The following RBFOX3 variants were observed in gnomAD, a reference collection of about 807,000 sequenced individuals.
RBFOX3 encodes the protein RNA binding fox-1 homolog 3.
A neutral mutation model predicts 48.7 loss-of-function variants in RBFOX3; 17 were observed. The observed-to-expected ratio is 0.35, with a 90% CI of 0.24 to 0.52. The LOEUF is 0.52. Among genes scored for constraint, RBFOX3 ranks in the 20% least tolerant of loss-of-function variants. The pLI is 0.94. For synonymous variants in RBFOX3, 212 were observed against 209.5 expected (o/e 1.01, Z -0.10); for missense variants, 382 against 497.5 (o/e 0.77, Z 2.21).
At chr17:79,180,810 C>T (rs1834973029) in intron 4 of RBFOX3, among the ~76,000 whole-genome samples, 1 of 151,842 alleles carries the variant, frequency 6.6e-6, no homozygotes, top group African/African-American at 2.4e-5. Context: ...GCAGAACAGC[C>T]GCGGGCGAGG....
chr17:79,101,423 C>T (rs536290756), intron 9 of RBFOX3, among the ~76,000 whole-genome samples, 161 bp downstream of exon 9: 5 of 152,172 alleles, frequency 3.3e-5, no homozygotes, highest in Admixed American at 2.0e-4. Context: ...CTGCCCCACC[C>T]GCTTCTGACC....
chr17:79,192,067 C>T (rs1055881118), intron 4 of RBFOX3, among the ~76,000 whole-genome samples: 1 of 152,096 alleles, frequency 6.6e-6, no homozygotes, highest in African/African-American at 2.4e-5. Context: ...AGGCTGCCAC[C>T]CCTGCCAACC....
At chr17:79,568,990 C>T (rs1168269031) in intron 1 of RBFOX3, among the ~76,000 whole-genome samples, 1 of 152,048 alleles carries the variant, frequency 6.6e-6, no homozygotes, top group Admixed American at 6.6e-5. Context: ...CTCCTCAACC[C>T]ACCCACCTTG....
At chr17:79,609,558 C>G (rs2093922127) in intron 1 of RBFOX3, among the ~76,000 whole-genome samples, 1 of 152,202 alleles carries the variant, frequency 6.6e-6, no homozygotes, top group Non-Finnish European at 1.5e-5. Context: ...CTCGCCAAAG[C>G]TGGAACGGAA....
At chr17:79,112,126 G>C (rs1212121736) in intron 5 of RBFOX3, among the ~76,000 whole-genome samples, 1 of 152,216 alleles carries the variant, frequency 6.6e-6, no homozygotes, top group South Asian at 2.1e-4. Context: ...CTGCTCAGAG[G>C]GGAGGAGCCT....
chr17:79,273,972 C>T (rs1304985623), intron 3 of RBFOX3, among the ~76,000 whole-genome samples: 1 of 152,184 alleles, frequency 6.6e-6, no homozygotes, highest in Non-Finnish European at 1.5e-5. Context: ...GGCGATTCAG[C>T]ACAGGTGTGC....
chr17:79,465,029 C>T lies in RBFOX3; in HGVS notation c.-175+17425G>A, dbSNP rs997574778. Among the ~76,000 whole-genome samples, 13 of 152,320 alleles carry T rather than the reference C, an allele frequency of 8.5e-5. No individual in the cohort carries two copies. The East Asian group carries it at 1.7e-3, about 20-fold the overall frequency. The stretch of plus-strand genomic sequence containing the variant: ...CTGCCATGGGGACCCAAGGGTCTCC[C>T]GTTTATGAGCTCAGCCTTCCGAAGG... On this transcript the variant is annotated intron_variant, in intron 2 of 14. Transcript: ENST00000693108.
chr17:79,138,709 A>ATGC lies in RBFOX3; in HGVS notation c.-33-22962_-33-22961insGCA, dbSNP rs76586779. ...ACACATGGACACAGCACATGCGTTC[A>ATGC]CACCCCCTCACCCACACACGCATGC... On this transcript the variant is annotated intron_variant, in intron 4 of 14. Coordinates refer to ENST00000693108, the MANE Select transcript of RBFOX3 (RefSeq NM_001350451.2). 2.5e-4 allele frequency among the ~76,000 whole-genome samples: 12 copies of ATGC among 48,276 alleles called. 1 individual carries two copies. Among genetic ancestry groups the ATGC allele is most frequent in the Admixed American group, 4.5e-4 (2 of 4,466 alleles). 31.7% of individuals were successfully genotyped at this position (48,276 alleles called of 152,430 possible).
chr17:79,533,106 C>G (rs868914713), intron 1 of RBFOX3, among the ~76,000 whole-genome samples: 2 of 152,232 alleles, frequency 1.3e-5, no homozygotes, highest in Admixed American at 6.5e-5. Context: ...AGGCGTTGCC[C>G]CCATTTTCTA....
intron 4 of RBFOX3, among the ~76,000 whole-genome samples, chr17:79,182,575 G>A (rs1474140404): frequency 6.6e-6 from 1 of 150,900 alleles, no homozygotes; most frequent in African/African-American, 2.5e-5. Context: ...GGCTGCTGAT[G>A]CTCTGTGCGC....
chr17:79,369,281 T>A (rs1162163420), intron 2 of RBFOX3, among the ~76,000 whole-genome samples: 1 of 151,978 alleles, frequency 6.6e-6, no homozygotes, highest in Non-Finnish European at 1.5e-5. Flanking sequence ...CACCTCCACA[T>A]CTGTACCCAA....
intron 2 of RBFOX3, among the ~76,000 whole-genome samples, chr17:79,378,454 T>A (rs1342577348): frequency 1.3e-5 from 2 of 152,136 alleles, no homozygotes; most frequent in African/African-American, 4.8e-5. Flanking sequence ...AATAATACGA[T>A]TGAGAGCATT....
chr17:79,618,151 T>G, the RBFOX3 span, among the ~76,000 whole-genome samples: 1 of 152,220 alleles, frequency 6.6e-6, no homozygotes, highest in African/African-American at 2.4e-5. Flanking sequence ...TTACTGTTTT[T>G]GTGCTGCTTG....
At chr17:79,101,773 G>T in intron 8 of RBFOX3, 129 bp from the exon 9 acceptor site, 1 of 831,148 alleles carries the variant, frequency 1.2e-6, no homozygotes, top group Non-Finnish European at 2.0e-6. Flanking sequence ...TCTCCACCAT[G>T]CTGCCTGCCC....
intron 2 of RBFOX3, among the ~76,000 whole-genome samples, chr17:79,419,700 G>A (rs947860686): frequency 3.9e-5 from 6 of 152,160 alleles, no homozygotes; most frequent in East Asian, 1.9e-4. Context: ...GAGATCATAC[G>A]CAATGAAAAA....
chr17:79,555,764 C>T (rs1386259812), intron 1 of RBFOX3, among the ~76,000 whole-genome samples: 4 of 150,438 alleles, frequency 2.7e-5, no homozygotes, highest in South Asian at 2.1e-4. Flanking sequence ...GTGGTGATGG[C>T]GATGGTAATG....
chr17:79,310,601 G>C (rs760259435), intron 2 of RBFOX3, among the ~76,000 whole-genome samples: 2 of 151,940 alleles, frequency 1.3e-5, no homozygotes, highest in South Asian at 2.1e-4. Flanking sequence ...CTGTCCTGTC[G>C]GCGAGGTGGA....
At chr17:79,579,092 G>C (rs2092958916) in intron 1 of RBFOX3, among the ~76,000 whole-genome samples, 1 of 152,202 alleles carries the variant, frequency 6.6e-6, no homozygotes, top group Non-Finnish European at 1.5e-5. Flanking sequence ...ACGGGCCTTT[G>C]TGCTGTTTTC....
chr17:79,324,791 C>T (rs908944657), intron 2 of RBFOX3, among the ~76,000 whole-genome samples: 18 of 152,338 alleles, frequency 1.2e-4, no homozygotes, highest in African/African-American at 2.2e-4. Context: ...GGGAGGCAGA[C>T]GCTCATTCAT....
Sources: gnomAD v4.1 joint callset for allele counts (sites outside exome capture counted in the v4.1 genomes callset) on GRCh38, gnomAD v4.1.1 for gene constraint, MANE v1.5 for transcripts, NCBI Gene and HGNC (gene_info 2026-07-23, HGNC 2026-07-21) for gene names.